The following DLGAP3 variants were observed in gnomAD, a reference collection of about 807,000 sequenced individuals.
The protein encoded by DLGAP3 is disks large-associated protein 3.
DLGAP3 carries 17 observed loss-of-function variants against 81.2 expected under a neutral mutation model. The ratio of observed to expected loss-of-function variants is 0.21; its 90% CI spans 0.14 to 0.31. The LOEUF is 0.31. DLGAP3 is among the 10% of genes least tolerant of loss of function. The probability of loss-of-function intolerance (pLI) is 1.00; values close to 1 mark genes in which losing one functional copy is unlikely to be tolerated. For missense variants in DLGAP3, 1,124 were observed against 1,388.0 expected (o/e 0.81, Z 3.02); for synonymous variants, 577 against 587.4 (o/e 0.98, Z 0.26).
At chr1:34,893,426 G>A (rs2148406422) in intron 5 of DLGAP3, among the ~76,000 whole-genome samples, 1 of 152,284 alleles carries the variant, frequency 6.6e-6, no homozygotes, top group South Asian at 2.1e-4. Context: ...AATAGCCAAT[G>A]GTAACTCAAA....
chr1:34,865,660 T>G lies in DLGAP3; in HGVS notation c.*423A>C. The G allele has an allele frequency of 1.1e-5, 3 of 268,830 alleles. No homozygotes were observed. Among genetic ancestry groups the G allele is most frequent in the Non-Finnish European group, 1.5e-5 (2 of 137,032 alleles). The allele number at this position is 268,830 out of a possible 1,614,324, so 16.7% of individuals were successfully genotyped here. A position where few individuals can be genotyped will look rare whatever the true frequency, so the allele number is the denominator to read the frequency against. On this transcript the variant is annotated 3_prime_UTR_variant, in exon 12 of 12. Coordinates refer to ENST00000373347, the MANE Select transcript of DLGAP3 (RefSeq NM_001080418.3). ...GGGTGGGGCGGGCTCCTAGGCAGGG[T>G]TCGGGATTCTTCATAAAAAGCCACG...
intron 1 of DLGAP3, among the ~76,000 whole-genome samples, chr1:34,925,959 T>C (rs745874444): frequency 3.9e-5 from 6 of 152,318 alleles, no homozygotes; most frequent in South Asian, 2.1e-4. Flanking sequence ...TATGTGCAGA[T>C]GGTAGAGACA....
intron 8 of DLGAP3, among the ~76,000 whole-genome samples, chr1:34,875,394 T>C (rs1639036318): frequency 6.6e-6 from 1 of 152,246 alleles, no homozygotes; most frequent in Admixed American, 6.5e-5. Flanking sequence ...GTTTTTACTA[T>C]GAGTATGTCC....
In DLGAP3 at chr1:34,902,317, C is replaced by A. The variant is rs1639472758; in HGVS notation, c.1107+1960G>T. Among the ~76,000 whole-genome samples, 1 of 152,032 alleles carries A rather than the reference C, an allele frequency of 6.6e-6. No individual in the cohort carries two copies. The highest frequency in any genetic ancestry group is 2.4e-5 in the African/African-American group (1 of 41,376). On this transcript the variant is annotated intron_variant, in intron 3 of 11. Transcript: ENST00000373347. The surrounding 1 kb of genome is among the most constrained non-coding windows in gnomAD (Gnocchi z 4.4). ...GATGAGATGGGGTCCCTTGAAGGAA[C>A]CCACGGGCAGGAGCAGGGCTCTTCA...
At chr1:34,913,347 A>T (rs968615704) in intron 1 of DLGAP3, among the ~76,000 whole-genome samples, 2 of 152,096 alleles carry the variant, frequency 1.3e-5, no homozygotes, top group Non-Finnish European at 1.5e-5. Context: ...AATAACCCAC[A>T]CTACCTATAA....
chr1:34,919,891 C>G (rs1639771800), intron 1 of DLGAP3, among the ~76,000 whole-genome samples: 1 of 152,202 alleles, frequency 6.6e-6, no homozygotes. Context: ...CCAGGTCTCC[C>G]CATATACCTG....
At chr1:34,875,663 C>A (rs768785865) in intron 8 of DLGAP3, among the ~76,000 whole-genome samples, 3 of 152,200 alleles carry the variant, frequency 2.0e-5, no homozygotes, top group African/African-American at 4.8e-5. Flanking sequence ...GGGCCCCTTG[C>A]TAATATTCAG....
intron 2 of DLGAP3, among the ~76,000 whole-genome samples, chr1:34,906,937 G>A (rs1639565462): frequency 6.6e-6 from 1 of 152,142 alleles, no homozygotes; most frequent in Non-Finnish European, 1.5e-5. Flanking sequence ...AGGGACAGAG[G>A]AGCTGGCAGA....
At chr1:34,879,858 C>T (rs1639119866) in intron 8 of DLGAP3, among the ~76,000 whole-genome samples, 1 of 151,594 alleles carries the variant, frequency 6.6e-6, no homozygotes, top group Non-Finnish European at 1.5e-5. Flanking sequence ...CCTAACAGCA[C>T]ATGTTAAAAA....
chr1:34,913,461 A>G lies in DLGAP3; in HGVS notation c.-134-6024T>C, dbSNP rs1259630287. Among the ~76,000 whole-genome samples, 3 of 152,178 alleles carry G rather than the reference A, an allele frequency of 2.0e-5. No homozygotes were observed. The South Asian group carries it at 6.2e-4, about 32-fold the overall frequency. On this transcript the variant is annotated intron_variant, in intron 1 of 11. Transcript: ENST00000373347. The stretch of plus-strand genomic sequence containing the variant: ...TGGCTTCCTCTGCCTCGGAAGAGAC[A>G]GAGAGGCCTACCTGATCACTCGCTC...
At chr1:34,922,887 G>C (rs1478676685) in intron 1 of DLGAP3, among the ~76,000 whole-genome samples, 1 of 151,730 alleles carries the variant, frequency 6.6e-6, no homozygotes, top group Non-Finnish European at 1.5e-5. Flanking sequence ...AGTTGTTCCT[G>C]TTATCAATGA....
intron 1 of DLGAP3, among the ~76,000 whole-genome samples, chr1:34,913,371 C>A (rs1232829221): frequency 6.6e-6 from 1 of 152,096 alleles, no homozygotes; most frequent in East Asian, 1.9e-4. Context: ...CTTTGAAAAT[C>A]CCACCTCAGG....
chr1:34,887,905 G>A (rs1163982237), intron 5 of DLGAP3, among the ~76,000 whole-genome samples: 1 of 152,212 alleles, frequency 6.6e-6, no homozygotes, highest in African/African-American at 2.4e-5. Context: ...CTGGCACATA[G>A]TAAGCCCTCG....
rs565937072 is a variant in DLGAP3, at chr1:34,886,708, G to A, written c.1387-423C>T. ...CCCAGTATGGGGGTGGGGACTTCAT[G>A]GAGGACATCTTTTATTATTTATAAT... is the stretch of plus-strand genomic sequence containing the variant. On this transcript the variant is annotated intron_variant, in intron 5 of 11. Transcript: ENST00000373347. 3.3e-4 allele frequency among the ~76,000 whole-genome samples: 50 copies of A among 152,004 alleles called. 1 individual carries two copies. The highest frequency in any genetic ancestry group is 1.2e-3 in the African/African-American group (49 of 41,446).
chr1:34,892,380 T>C (rs1235820548), intron 5 of DLGAP3, among the ~76,000 whole-genome samples: 1 of 143,518 alleles, frequency 7.0e-6, no homozygotes, highest in Admixed American at 6.9e-5. Flanking sequence ...CATAGCACCA[T>C]GCATGTGATG....
In DLGAP3 at chr1:34,868,912, T is replaced by G. The variant is rs768833299; in HGVS notation, c.2178A>C (p.Ser726=). ...CCTGCGTGTGGACCGTGCGGAAGAC[T>G]GAGTAGGTGGGGGCCCGGGGCCCAG... ...PQPGPRAPTY[S]VFRTVHTQGQ... The change falls in exon 9 of 12, where the codon TCA becomes TCC. Residue 726 remains serine, a synonymous_variant. Coordinates refer to ENST00000373347, the MANE Select transcript of DLGAP3 (RefSeq NM_001080418.3). The surrounding 1 kb of genome is among the most constrained non-coding windows in gnomAD (Gnocchi z 7.5). 1 of 1,607,742 alleles carries G rather than the reference T, an allele frequency of 6.2e-7. No individual in the cohort carries two copies. Among genetic ancestry groups the G allele is most frequent in the South Asian group, 1.1e-5 (1 of 91,024 alleles).
intron 1 of DLGAP3, among the ~76,000 whole-genome samples, chr1:34,923,684 G>GCACCCA (rs1054797470): frequency 2.0e-5 from 3 of 151,624 alleles, no homozygotes; most frequent in Non-Finnish European, 4.4e-5. Flanking sequence ...CCCCAAACAG[G>GCACCCA]CACCCACACC....
intron 1 of DLGAP3, among the ~76,000 whole-genome samples, chr1:34,927,154 GCGCC>G (rs1639885430): frequency 6.6e-6 from 1 of 152,196 alleles, no homozygotes; most frequent in Non-Finnish European, 1.5e-5. Context: ...GACATCTGTA[GCGCC>G]CTCTCTTTGG....
Position 34,867,478 on chromosome 1 carries a change from GCA to G in DLGAP3, c.2577+56_2577+57del. The G allele has an allele frequency of 8.2e-6, 12 of 1,456,870 alleles. No individual in the cohort carries two copies. The highest frequency in any genetic ancestry group is 1.1e-5 in the South Asian group (1 of 87,982). 90.2% of individuals were successfully genotyped at this position (1,456,870 alleles called of 1,614,324 possible). A position where few individuals can be genotyped will look rare whatever the true frequency, so the allele number is the denominator to read the frequency against. ...GGGTCACCTGCCTGTCTCACCTCCA[GCA>G]CACACACACTCTGGGTCACATGTAT... On this transcript the variant is annotated intron_variant, in intron 10 of 11. Transcript: ENST00000373347. The surrounding 1 kb of genome is among the most constrained non-coding windows in gnomAD (Gnocchi z 4.3).
Sources: gnomAD v4.1 joint callset for allele counts (sites outside exome capture counted in the v4.1 genomes callset) on GRCh38, gnomAD v4.1.1 for gene constraint, Gnocchi (gnomAD v3.1) non-coding constraint, MANE v1.5 for transcripts, NCBI Gene and HGNC (gene_info 2026-07-23, HGNC 2026-07-21) for gene names.